The following ATRN variants were observed in gnomAD, a reference collection of about 807,000 sequenced individuals.
ATRN encodes the protein attractin, also known as attractin-2.
ATRN carries 54 observed loss-of-function variants against 178.7 expected under a neutral mutation model. The observed-to-expected ratio is 0.30, with a 90% confidence interval of 0.24 to 0.38. The LOEUF (loss-of-function observed/expected upper bound fraction) is 0.38. Ranked by LOEUF, ATRN falls within the 10% of genes least tolerant of loss-of-function variation. The pLI is 1.00. For missense variants in ATRN, 1,443 were observed against 1,815.1 expected, an observed-to-expected ratio of 0.79 and a Z score of 3.73; for synonymous variants, 636 against 663.0, an observed-to-expected ratio of 0.96 and a Z score of 0.63.
Position 3,572,932 on chromosome 20 carries a change from A to C in ATRN, c.2073A>C (p.Ser691=). ...ATDEQEEKLK[S]ECFSKRTLDH... ...ATGAACAAGAAGAAAAGTTAAAATC[A>C]GAATGTTTTTCCAAAAGAAGTATGT... is the stretch of plus-strand genomic sequence containing the variant. The change falls in exon 12 of 29, where the codon TCA becomes TCC. Residue 691 remains serine (S), a synonymous_variant. Transcript: ENST00000262919. 6.2e-7 allele frequency: 1 copy of C among 1,613,814 alleles called. No homozygotes were observed. Among genetic ancestry groups the C allele is most frequent in the Non-Finnish European group, 8.5e-7 (1 of 1,179,876 alleles).
At chr20:3,546,350 G>A (rs1212134822) in intron 4 of ATRN, among the ~76,000 whole-genome samples, 2 of 148,638 alleles carry the variant, frequency 1.3e-5, no homozygotes, top group Admixed American at 6.7e-5. Context: ...AGCACTGTCA[G>A]TACAATTATA....
rs1185777996 is a variant in ATRN at position 3,471,146 on chromosome 20, G to A, written c.39G>A (p.Arg13=). 2.2e-5 allele frequency: 33 copies of A among 1,508,588 alleles called. No homozygotes were observed. The highest frequency in any genetic ancestry group is 2.8e-5 in the Non-Finnish European group (32 of 1,135,362). 93.5% of individuals were successfully genotyped at this position (1,508,588 alleles called of 1,614,324 possible). A position where few individuals can be genotyped will look rare whatever the true frequency, so the allele number is the denominator to read the frequency against. ...AAAAATEARL[R]RRTAATAALA... The stretch of plus-strand genomic sequence containing the variant: ...CGGCGGCAACTGAGGCAAGGCTGAG[G>A]AGGAGGACGGCGGCGACGGCAGCGC... Residue 13 remains arginine (R), a synonymous_variant, in exon 1 of 29, where the codon AGG becomes AGA. Coordinates refer to ENST00000262919, the MANE Select transcript of ATRN (RefSeq NM_139321.3).
At chr20:3,631,560 T>C (rs1308218258) in intron 25 of ATRN, among the ~76,000 whole-genome samples, 2 of 152,098 alleles carry the variant, frequency 1.3e-5, no homozygotes, top group Non-Finnish European at 2.9e-5. Flanking sequence ...CTGCTTGCTT[T>C]TCTGTAGCTT....
chr20:3,601,709 A>C (rs1268304103), intron 23 of ATRN, among the ~76,000 whole-genome samples: 1 of 151,010 alleles, frequency 6.6e-6, no homozygotes, highest in African/African-American at 2.4e-5. Context: ...AAAAAAAAAA[A>C]AAAAAAAACC....
At chr20:3,587,515 A>G (rs1161626865) in intron 18 of ATRN, among the ~76,000 whole-genome samples, 1 of 150,710 alleles carries the variant, frequency 6.6e-6, no homozygotes, top group Admixed American at 6.6e-5. Flanking sequence ...TTCATGGCAC[A>G]TTTGTTGCAG....
In ATRN at chr20:3,489,689, C is replaced by T. The variant is rs2084756205; in HGVS notation, c.410+18172C>T. The T allele has an allele frequency of 4.4e-6, 7 of 1,575,984 alleles. No homozygotes were observed. The Admixed American group carries it at 1.2e-4, about 26-fold the overall frequency. On this transcript the variant is annotated intron_variant, in intron 1 of 28. Transcript: ENST00000262919. ...AGGAGACAGCATCTTCAATCTGCGT[C>T]ACATTAGCAAAGTGAGCAGTGTTTG...
chr20:3,502,455 C>G (rs570484811), intron 1 of ATRN, among the ~76,000 whole-genome samples: 1 of 152,156 alleles, frequency 6.6e-6, no homozygotes, highest in Admixed American at 6.5e-5. Context: ...ATCCTCCCAT[C>G]CACCTAGACC....
intron 24 of ATRN, among the ~76,000 whole-genome samples, chr20:3,619,945 G>A (rs949702160): frequency 6.6e-6 from 1 of 152,112 alleles, no homozygotes; most frequent in Non-Finnish European, 1.5e-5. Context: ...CCTGCCACAA[G>A]GACACCCTAC....
intron 12 of ATRN, among the ~76,000 whole-genome samples, chr20:3,574,244 G>T (rs897198935): frequency 5.3e-5 from 8 of 152,194 alleles, no homozygotes; most frequent in African/African-American, 1.9e-4. Flanking sequence ...AGCCACAGGG[G>T]CTCATGCCGG....
intron 27 of ATRN, among the ~76,000 whole-genome samples, chr20:3,639,519 C>G (rs1368154412): frequency 6.6e-6 from 1 of 152,102 alleles, no homozygotes; most frequent in Non-Finnish European, 1.5e-5. Flanking sequence ...TCCCAAAGTG[C>G]TGGGATTACA....
At chr20:3,635,275 G>C (rs1179747175) in intron 26 of ATRN, among the ~76,000 whole-genome samples, 1 of 151,894 alleles carries the variant, frequency 6.6e-6, no homozygotes, top group East Asian at 1.9e-4. Flanking sequence ...CTGCTCGGGT[G>C]ATAGGTGCAC....
At chr20:3,501,899 T>C (rs1568691236) in intron 1 of ATRN, among the ~76,000 whole-genome samples, 1 of 152,140 alleles carries the variant, frequency 6.6e-6, no homozygotes, top group East Asian at 1.9e-4. Flanking sequence ...TACCTCAGGC[T>C]TTTAGTTGGG....
intron 1 of ATRN, chr20:3,489,772 A>G (rs1050129722): frequency 1.4e-6 from 2 of 1,396,870 alleles, no homozygotes; most frequent in Non-Finnish European, 2.0e-6. Flanking sequence ...TGTCACTGGA[A>G]GGCTTTGCGC....
chr20:3,541,310 C>T (rs1329613279), intron 3 of ATRN, among the ~76,000 whole-genome samples: 2 of 151,974 alleles, frequency 1.3e-5, no homozygotes, highest in Non-Finnish European at 2.9e-5. Context: ...ATCTCCTGAC[C>T]TCGTGATCCG....
intron 1 of ATRN, among the ~76,000 whole-genome samples, chr20:3,492,875 G>GCACACACA (rs376260361): frequency 9.4e-6 from 1 of 106,806 alleles, no homozygotes; most frequent in East Asian, 2.1e-4. Context: ...GCGTGCGCAC[G>GCACACACA]CACACACACA....
Position 3,604,780 on chromosome 20 carries a change from A to G in ATRN, c.3801+518A>G, listed in dbSNP as rs185842708. ...GATTCCTGGCTCCTATACAAATCAT[A>G]CAGCCTTTCCAAGTCTCCAGTTCTC... is the stretch of plus-strand genomic sequence containing the variant. On this transcript the variant is annotated intron_variant, in intron 24 of 28. Transcript: ENST00000262919. 3.3e-3 allele frequency among the ~76,000 whole-genome samples: 502 copies of G among 152,328 alleles called. 1 individual carries two copies. Among genetic ancestry groups the G allele is most frequent in the Middle Eastern group, 6.8e-3 (2 of 294 alleles).
chr20:3,560,673 C>T lies in ATRN; in HGVS notation c.1215C>T (p.Tyr405=), dbSNP rs1428669973. 1 of 1,609,174 alleles carries T rather than the reference C, an allele frequency of 6.2e-7. No individual in the cohort carries two copies. Among genetic ancestry groups the T allele is most frequent in the Non-Finnish European group, 8.5e-7 (1 of 1,175,982 alleles). The change falls in exon 8 of 29, where the codon TAC becomes TAT. Residue 405 remains tyrosine (Y), a synonymous_variant. Transcript: ENST00000262919. ...HSLALYKDKI[Y]MYGGKIDSTG... is the part of the protein sequence containing the mutation. Reference sequence around the variant, plus strand: ...CATTTTTTTCCTAGGATAAAATTTACATGTATGGAGGAAAAATTGATTCAA... The same window carrying T: ...CATTTTTTTCCTAGGATAAAATTTATATGTATGGAGGAAAAATTGATTCAA...
chr20:3,606,313 A>G (rs942002222), intron 24 of ATRN, among the ~76,000 whole-genome samples: 12 of 152,098 alleles, frequency 7.9e-5, no homozygotes, highest in African/African-American at 2.4e-4. Context: ...TTGAATCATC[A>G]TCTTTCTTGT....
At chr20:3,595,577 C>T (rs1409638750) in intron 20 of ATRN, among the ~76,000 whole-genome samples, 1 of 152,148 alleles carries the variant, frequency 6.6e-6, no homozygotes, top group African/African-American at 2.4e-5. Context: ...GTCCACATTC[C>T]CTTAAACAGA....
Sources: gnomAD v4.1 joint callset for allele counts (sites outside exome capture counted in the v4.1 genomes callset) on GRCh38, gnomAD v4.1.1 for gene constraint, MANE v1.5 for transcripts, NCBI Gene and HGNC (gene_info 2026-07-23, HGNC 2026-07-21) for gene names.